TRIP12: variants seen among roughly 807,000 people sequenced by gnomAD.
TRIP12 encodes the protein thyroid hormone receptor interactor 12.
Under a neutral mutation model 244.2 loss-of-function variants are expected in TRIP12, and 25 were observed. That is an observed-to-expected ratio of 0.10 (90% CI 0.07 to 0.14). The LOEUF is 0.14. Among genes scored for constraint, TRIP12 ranks in the 10% least tolerant of loss-of-function variants. The probability of loss-of-function intolerance (pLI) is 1.00; values close to 1 mark genes in which losing one functional copy is unlikely to be tolerated. For missense variants in TRIP12, 1,677 were observed against 2,486.4 expected, an observed-to-expected ratio of 0.67 and a Z score of 6.92; for synonymous variants, 905 against 873.1, an observed-to-expected ratio of 1.04 and a Z score of -0.64.
Position 229,839,618 on chromosome 2 carries a change from G to T in TRIP12, c.1133+1204C>A, listed in dbSNP as rs562736375. Among the ~76,000 whole-genome samples the T allele has an allele frequency of 1.8e-4, 27 of 151,988 alleles. No homozygotes were observed. The South Asian group carries it at 5.6e-3, about 31-fold the overall frequency. On this transcript the variant is annotated intron_variant, in intron 5 of 41. Transcript: ENST00000675903. The stretch of plus-strand genomic sequence containing the variant: ...GGCGTGAACCCGGGAGGCAGAGTTT[G>T]CAGTGAGCCGAGATTGTGCCATTGC...
At chr2:229,852,210 ATAGAGAG>A (rs1269129828) in intron 4 of TRIP12, among the ~76,000 whole-genome samples, 1 of 152,188 alleles carries the variant, frequency 6.6e-6, no homozygotes, top group Non-Finnish European at 1.5e-5. Context: ...ACTTTAAATA[ATAGAGAG>A]TAAAGTAGAT....
intron 23 of TRIP12, among the ~76,000 whole-genome samples, chr2:229,798,373 T>G (rs1302154784): frequency 1.3e-5 from 2 of 152,076 alleles, no homozygotes; most frequent in Non-Finnish European, 2.9e-5. Flanking sequence ...TCAATGACAT[T>G]TGGTCTTTTA....
At position 229,778,020 on chromosome 2, in the gene TRIP12, G is replaced by T. The variant is rs749531318; in HGVS notation, c.5364+413C>A. 6.6e-6 allele frequency among the ~76,000 whole-genome samples: 1 copy of T among 151,996 alleles called. No homozygotes were observed. Among genetic ancestry groups the T allele is most frequent in the Non-Finnish European group, 1.5e-5 (1 of 67,992 alleles). On this transcript the variant is annotated intron_variant, in intron 36 of 41. Coordinates refer to ENST00000675903, the MANE Select transcript of TRIP12 (RefSeq NM_001348323.3). This position sits in a 1 kb window ranked among gnomAD's most constrained non-coding sequence, Gnocchi z 4.1. ...AACCTCTATGAATACTGATCACTCG[G>T]GTTATTTTCACAACAGCACTCTAAT...
chr2:229,909,458 T>C (rs1364739274), intron 1 of TRIP12, among the ~76,000 whole-genome samples: 1 of 151,602 alleles, frequency 6.6e-6, no homozygotes, highest in Non-Finnish European at 1.5e-5. Flanking sequence ...GTCAAGAGGT[T>C]AGGGTGAGAA....
chr2:229,836,305 A>G (rs1247978693), intron 6 of TRIP12, among the ~76,000 whole-genome samples: 2 of 152,222 alleles, frequency 1.3e-5, no homozygotes, highest in Non-Finnish European at 2.9e-5. Context: ...TCCATCAGCC[A>G]GAATTAATAG....
chr2:229,898,876 T>C (rs2069738660), intron 1 of TRIP12, among the ~76,000 whole-genome samples: 1 of 152,126 alleles, frequency 6.6e-6, no homozygotes, highest in African/African-American at 2.4e-5. Flanking sequence ...TTATTTTTTG[T>C]AGAGACAGAG....
At chr2:229,910,561 T>G (rs980327741) in intron 1 of TRIP12, among the ~76,000 whole-genome samples, 3 of 152,192 alleles carry the variant, frequency 2.0e-5, no homozygotes, top group Non-Finnish European at 4.4e-5. Context: ...CTTCAGTAAT[T>G]CCTTTCAGTA....
Position 229,792,995 on chromosome 2 carries a change from G to A in TRIP12, c.4119C>T (p.Ile1373=), listed in dbSNP as rs1219304153. ...KIDPLALVQA[I]ERYLVVRGYG... is the part of the protein sequence containing the mutation. Reference sequence around the variant, plus strand: ...TACCTCTAACTACAAGGTATCTCTCGATGGCTTGTACCAAAGCCAGAGGGT... The same window carrying A: ...TACCTCTAACTACAAGGTATCTCTCAATGGCTTGTACCAAAGCCAGAGGGT... The change falls in exon 27 of 42, where the codon ATC becomes ATT. Residue 1373 remains isoleucine, a synonymous_variant. Coordinates refer to ENST00000675903, the MANE Select transcript of TRIP12 (RefSeq NM_001348323.3). 4.3e-6 allele frequency: 7 copies of A among 1,613,148 alleles called. No homozygotes were observed. The highest frequency in any genetic ancestry group is 1.7e-5 in the Admixed American group (1 of 59,862).
chr2:229,795,202 A>T lies in TRIP12; in HGVS notation c.3945T>A (p.Pro1315=), dbSNP rs1488021614. The T allele has an allele frequency of 6.2e-7, 1 of 1,613,864 alleles. No individual in the cohort carries two copies. Among genetic ancestry groups the T allele is most frequent in the African/African-American group, 1.3e-5 (1 of 74,914 alleles). The change falls in exon 26 of 42, where the codon CCT becomes CCA. Residue 1315 remains proline (P), a synonymous_variant. Transcript: ENST00000675903. The part of the protein sequence containing the change: ...EQFPVKVHDF[P]SGNGTGGSFS... ...ACCTGCCTCCTGTCCCATTTCCACTAGGGAAATCATGTACTTTGACTGGAA... is the reference window on the plus strand; with the variant it reads ...ACCTGCCTCCTGTCCCATTTCCACTTGGGAAATCATGTACTTTGACTGGAA...
At chr2:229,915,447 T>A (rs2075195997) in intron 1 of TRIP12, among the ~76,000 whole-genome samples, 1 of 152,136 alleles carries the variant, frequency 6.6e-6, no homozygotes, top group African/African-American at 2.4e-5. Flanking sequence ...AAAATAAGAA[T>A]CAAAATTTTA....
chr2:229,772,406 T>C (rs2034693225), intron 38 of TRIP12, among the ~76,000 whole-genome samples: 2 of 152,212 alleles, frequency 1.3e-5, no homozygotes, highest in Admixed American at 1.3e-4. Context: ...ACAGTCCTAC[T>C]GAATACTAAA....
chr2:229,803,304 G>A lies in TRIP12; in HGVS notation c.2998+267C>T, dbSNP rs116168150. Reference sequence around the variant, plus strand: ...AATTTTTGTATTTTTCTTAAAGACTGGGTTTCACCATGTTGGCCAGGCTGG... The same window carrying A: ...AATTTTTGTATTTTTCTTAAAGACTAGGTTTCACCATGTTGGCCAGGCTGG... On this transcript the variant is annotated intron_variant, in intron 20 of 41. Transcript: ENST00000675903. 3.0e-4 allele frequency among the ~76,000 whole-genome samples: 46 copies of A among 152,276 alleles called. 1 individual carries two copies. The highest frequency in any genetic ancestry group is 1.1e-3 in the African/African-American group (44 of 41,538).
chr2:229,910,965 G>T (rs1439848381), intron 1 of TRIP12, among the ~76,000 whole-genome samples: 3 of 152,172 alleles, frequency 2.0e-5, no homozygotes, highest in Admixed American at 6.5e-5. Flanking sequence ...TGGGGGAAGG[G>T]CACAAATGCA....
chr2:229,918,925 A>G (rs2075990966), intron 1 of TRIP12, among the ~76,000 whole-genome samples: 1 of 152,164 alleles, frequency 6.6e-6, no homozygotes, highest in Non-Finnish European at 1.5e-5. Flanking sequence ...GGTAAAATAG[A>G]GATTACCCAC....
At chr2:229,816,571 T>C (rs768204330) in intron 9 of TRIP12, among the ~76,000 whole-genome samples, 11 of 152,182 alleles carry the variant, frequency 7.2e-5, no homozygotes, top group Non-Finnish European at 1.5e-4. Context: ...ATAAAAGATA[T>C]ATCTGAAGAA....
chr2:229,779,421 T>C (rs915319983), intron 34 of TRIP12, among the ~76,000 whole-genome samples: 2 of 152,222 alleles, frequency 1.3e-5, no homozygotes, highest in Admixed American at 1.3e-4. Context: ...TCCTTTTTTC[T>C]TGGGGCTTAT....
intron 1 of TRIP12, 58 bp from the exon 2 acceptor site, chr2:229,880,186 G>T (rs1356671296): frequency 2.9e-6 from 3 of 1,049,480 alleles, no homozygotes; most frequent in Non-Finnish European, 4.2e-6. Flanking sequence ...ATATGGAAAA[G>T]AAATGAGGGG....
At chr2:229,819,572 A>G (rs2049460787) in intron 8 of TRIP12, among the ~76,000 whole-genome samples, 1 of 152,192 alleles carries the variant, frequency 6.6e-6, no homozygotes, top group Non-Finnish European at 1.5e-5. Context: ...TTTAAAAAAT[A>G]AAGTCTATGA....
intron 1 of TRIP12, among the ~76,000 whole-genome samples, chr2:229,891,269 A>C (rs2154362040): frequency 6.6e-6 from 1 of 152,186 alleles, no homozygotes; most frequent in Admixed American, 6.5e-5. Context: ...AAAAAAAAAA[A>C]AATTTAGCCT....
Sources: allele counts gnomAD v4.1 joint callset (sites outside exome capture counted in the v4.1 genomes callset), GRCh38; gene constraint gnomAD v4.1.1; non-coding constraint Gnocchi (gnomAD v3.1); transcripts MANE v1.5; gene names NCBI Gene and HGNC (gene_info 2026-07-23, HGNC 2026-07-21).